PTPRN2: variants seen among roughly 807,000 people sequenced by gnomAD.
PTPRN2 encodes the protein receptor-type tyrosine-protein phosphatase N2.
PTPRN2 carries 74 observed loss-of-function variants against 118.8 expected under a neutral mutation model. The ratio of observed to expected loss-of-function variants is 0.62; its 90% confidence interval spans 0.52 to 0.76. PTPRN2 has a LOEUF of 0.76. Among genes scored for constraint, PTPRN2 ranks in the 30% least tolerant of loss-of-function variants. The probability of loss-of-function intolerance (pLI) is 0.00; values close to 1 mark genes in which losing one functional copy is unlikely to be tolerated. For missense variants in PTPRN2, 1,481 were observed against 1,394.4 expected, an observed-to-expected ratio of 1.06 and a Z score of -0.99; for synonymous variants, 641 against 608.0, an observed-to-expected ratio of 1.05 and a Z score of -0.80.
intron 14 of PTPRN2, among the ~76,000 whole-genome samples, chr7:157,642,180 C>T (rs143814483): frequency 2.6e-4 from 39 of 152,352 alleles, no homozygotes; most frequent in Non-Finnish European, 5.0e-4. Context: ...CCCTTCACCC[C>T]CTTTTGCCCC....
At chr7:157,614,862 G>A (rs1412852550) in intron 15 of PTPRN2, among the ~76,000 whole-genome samples, 2 of 152,210 alleles carry the variant, frequency 1.3e-5, no homozygotes, top group South Asian at 2.1e-4. Flanking sequence ...CGCAGCCTCC[G>A]GCCTCCAGGA....
intron 5 of PTPRN2, among the ~76,000 whole-genome samples, chr7:158,189,658 C>G (rs1825606372): frequency 6.6e-6 from 1 of 152,224 alleles, no homozygotes. Context: ...TTTAATGACG[C>G]CTCCCCCTTC....
intron 11 of PTPRN2, among the ~76,000 whole-genome samples, chr7:157,989,105 G>C (rs916410430): frequency 6.6e-6 from 1 of 152,254 alleles, no homozygotes; most frequent in Non-Finnish European, 1.5e-5. Flanking sequence ...TCCCGGCACA[G>C]CTCAGGCTGA....
intron 11 of PTPRN2, among the ~76,000 whole-genome samples, chr7:158,037,258 T>C (rs75375800): frequency 0.01 from 1,585 of 152,362 alleles, 25 homozygotes; most frequent in African/African-American, 0.036. Flanking sequence ...ACACATGCCA[T>C]GTAAGTACAG....
At chr7:158,142,825 C>T (rs145706340) in intron 6 of PTPRN2, among the ~76,000 whole-genome samples, 1 of 152,372 alleles carries the variant, frequency 6.6e-6, no homozygotes, top group Non-Finnish European at 1.5e-5. Flanking sequence ...AAGGGCTGGA[C>T]AGTCCCAGGT....
intron 11 of PTPRN2, among the ~76,000 whole-genome samples, chr7:158,006,745 G>C (rs1337274252): frequency 6.6e-6 from 1 of 152,208 alleles, no homozygotes; most frequent in African/African-American, 2.4e-5. Flanking sequence ...CTTAGGCCAA[G>C]AGACTTGTTT....
intron 2 of PTPRN2, among the ~76,000 whole-genome samples, chr7:158,340,378 C>G (rs1806449022): frequency 2.1e-5 from 2 of 96,582 alleles, no homozygotes; most frequent in South Asian, 4.0e-4. Context: ...CACTCACACC[C>G]ATACTCTCAC....
intron 13 of PTPRN2, among the ~76,000 whole-genome samples, chr7:157,663,766 A>C (rs1055111419): frequency 1.3e-5 from 2 of 152,268 alleles, no homozygotes; most frequent in African/African-American, 4.8e-5. Flanking sequence ...ATGTGGTCTC[A>C]TTCACTGGTC....
chr7:157,650,593 C>T (rs941532069), intron 14 of PTPRN2, among the ~76,000 whole-genome samples: 7 of 152,320 alleles, frequency 4.6e-5, no homozygotes, highest in East Asian at 1.9e-4. Context: ...GTGAAATTCT[C>T]GGTGGCCCAG....
At position 157,722,371 on chromosome 7, in the gene PTPRN2, T is replaced by A. The variant is rs567886300; in HGVS notation, c.1789-39434A>T. ...TGGTCTCTCAGGGGGGGTCCTGATG[T>A]CATGTCAGATGGAGCCAGGGCCAGG... On this transcript the variant is annotated intron_variant, in intron 12 of 22. Coordinates refer to ENST00000389418, the MANE Select transcript of PTPRN2 (RefSeq NM_002847.5). 5.3e-5 allele frequency among the ~76,000 whole-genome samples: 8 copies of A among 152,250 alleles called. 1 individual carries two copies. In the East Asian group the frequency reaches 1.6e-3, roughly 30 times the overall value.
intron 15 of PTPRN2, among the ~76,000 whole-genome samples, chr7:157,605,217 C>T (rs984996304): frequency 2.0e-5 from 3 of 152,240 alleles, no homozygotes; most frequent in African/African-American, 7.2e-5. Context: ...GTCAGGCACG[C>T]TGGGTGCTGC....
At chr7:157,978,140 A>G (rs1802889170) in intron 11 of PTPRN2, among the ~76,000 whole-genome samples, 1 of 151,994 alleles carries the variant, frequency 6.6e-6, no homozygotes, top group African/African-American at 2.4e-5. Context: ...AGTTTCCCGG[A>G]AAGTCTGAAA....
intron 3 of PTPRN2, among the ~76,000 whole-genome samples, chr7:158,228,778 G>T (rs1828981443): frequency 6.6e-6 from 1 of 152,110 alleles, no homozygotes; most frequent in Non-Finnish European, 1.5e-5. Flanking sequence ...GTGAGGGTGA[G>T]GTGGACAATC....
chr7:158,540,544 G>A (rs61624900), intron 1 of PTPRN2, among the ~76,000 whole-genome samples: 4,188 of 152,216 alleles, frequency 0.028, 182 homozygotes, highest in African/African-American at 0.089. Flanking sequence ...CCAAGGGGGG[G>A]TTTCTTTGGA....
rs919758461 is a variant in PTPRN2, at chr7:157,874,058, C to T, written c.1788+24615G>A. Reference sequence around the variant, plus strand: ...GGAGTGAGGTGGCCCAGGCCTGGCACAGCTCAGTGGTGGCACGTCACATCA... The same window carrying T: ...GGAGTGAGGTGGCCCAGGCCTGGCATAGCTCAGTGGTGGCACGTCACATCA... On this transcript the variant is annotated intron_variant, in intron 12 of 22. Coordinates refer to ENST00000389418, the MANE Select transcript of PTPRN2 (RefSeq NM_002847.5). This position sits in a 1 kb window ranked among gnomAD's most constrained non-coding sequence, Gnocchi z 5.8. Among the ~76,000 whole-genome samples, 44 of 152,196 alleles carry T rather than the reference C, an allele frequency of 2.9e-4. No individual in the cohort carries two copies. Among genetic ancestry groups the T allele is most frequent in the African/African-American group, 1.0e-3 (42 of 41,450 alleles).
At chr7:157,988,645 G>C (rs6971691) in intron 11 of PTPRN2, among the ~76,000 whole-genome samples, 57,292 of 152,164 alleles carry the variant, frequency 0.38, 11,046 homozygotes, top group Non-Finnish European at 0.4. Context: ...GGGAGCACAG[G>C]GGGGCTGGAG....
chr7:157,819,752 G>A (rs1036719890), intron 12 of PTPRN2, among the ~76,000 whole-genome samples: 24 of 146,712 alleles, frequency 1.6e-4, no homozygotes, highest in Admixed American at 1.4e-3. Flanking sequence ...CCCATCACCC[G>A]CCCACCCACT....
At chr7:158,334,600 C>A (rs1289790050) in intron 2 of PTPRN2, among the ~76,000 whole-genome samples, 4 of 109,956 alleles carry the variant, frequency 3.6e-5, no homozygotes, top group Non-Finnish European at 6.2e-5. Flanking sequence ...CCCACACTCT[C>A]ACCATAAGAG....
At chr7:158,108,862 G>A (rs989778865) in intron 10 of PTPRN2, among the ~76,000 whole-genome samples, 1 of 152,254 alleles carries the variant, frequency 6.6e-6, no homozygotes, top group African/African-American at 2.4e-5. Flanking sequence ...TGCCACAGGT[G>A]CCCAGTGAGC....
Sources: allele counts gnomAD v4.1 joint callset (sites outside exome capture counted in the v4.1 genomes callset), GRCh38; gene constraint gnomAD v4.1.1; non-coding constraint Gnocchi (gnomAD v3.1); transcripts MANE v1.5; gene names NCBI Gene and HGNC (gene_info 2026-07-23, HGNC 2026-07-21).